The following SGTB variants were observed in gnomAD, a reference collection of about 807,000 sequenced individuals.
SGTB encodes the protein small glutamine-rich tetratricopeptide repeat-containing protein beta.
Under a neutral mutation model 43.9 loss-of-function variants are expected in SGTB, and 19 were observed. The observed-to-expected ratio is 0.43, with a 90% CI of 0.30 to 0.63. The LOEUF is 0.63. SGTB is among the 30% of genes least tolerant of loss of function. The pLI is 0.12. For missense variants in SGTB, 304 were observed against 358.9 expected (o/e 0.85, Z 1.24); for synonymous variants, 116 against 117.3 (o/e 0.99, Z 0.07).
intron 6 of SGTB, 107 bp downstream of exon 6, chr5:65,685,261 A>G: frequency 1.2e-6 from 1 of 867,334 alleles, no homozygotes; most frequent in Non-Finnish European, 1.8e-6. Context: ...TTATCCTCTT[A>G]TTAGTTCAGA....
intron 5 of SGTB, among the ~76,000 whole-genome samples, chr5:65,693,511 T>C (rs1561158716): frequency 6.6e-6 from 1 of 152,006 alleles, no homozygotes; most frequent in Admixed American, 6.6e-5. Flanking sequence ...TAGAGAGAGA[T>C]GTTCATCATA....
chr5:65,688,176 A>T (rs1346390118), intron 5 of SGTB, among the ~76,000 whole-genome samples: 2 of 152,188 alleles, frequency 1.3e-5, no homozygotes, highest in East Asian at 1.9e-4. Context: ...ACAGATTTTT[A>T]AAATAATTTT....
At chr5:65,702,874 T>C (rs1757850453) in intron 5 of SGTB, among the ~76,000 whole-genome samples, 1 of 152,106 alleles carries the variant, frequency 6.6e-6, no homozygotes, top group South Asian at 2.1e-4. Flanking sequence ...ATTAGAACAA[T>C]ATGAAAACAA....
rs1002559189 is a variant in SGTB, at chr5:65,668,005, T to G, written c.*2241A>C. The G allele has an allele frequency of 6.7e-6, 1 of 149,258 alleles. No homozygotes were observed. The highest frequency in any genetic ancestry group is 1.5e-5 in the Non-Finnish European group (1 of 67,670). 9.2% of individuals were successfully genotyped at this position (149,258 alleles called of 1,614,324 possible). Reference sequence around the variant, plus strand: ...TCTTGCTCTGTCACCCAGGCTGGAGTGCAGTGGCGCAATCTTGGCTCACTG... The same window carrying G: ...TCTTGCTCTGTCACCCAGGCTGGAGGGCAGTGGCGCAATCTTGGCTCACTG... On this transcript the variant is annotated 3_prime_UTR_variant, in exon 11 of 11. Coordinates refer to ENST00000381007, the MANE Select transcript of SGTB (RefSeq NM_019072.3).
intron 4 of SGTB, among the ~76,000 whole-genome samples, chr5:65,705,020 T>C (rs530729818): frequency 4.8e-4 from 73 of 152,370 alleles, no homozygotes; most frequent in African/African-American, 1.7e-3. Context: ...AGGAAGGGCA[T>C]CTGCAGATAC....
intron 8 of SGTB, among the ~76,000 whole-genome samples, chr5:65,676,617 A>G (rs1314943276): frequency 1.3e-5 from 2 of 152,136 alleles, no homozygotes; most frequent in Non-Finnish European, 2.9e-5. Context: ...CCCAAAAACA[A>G]CAGAATATAC....
intron 5 of SGTB, among the ~76,000 whole-genome samples, chr5:65,697,121 T>C (rs1554025037): frequency 6.6e-6 from 1 of 152,174 alleles, no homozygotes; most frequent in Non-Finnish European, 1.5e-5. Flanking sequence ...TACTGAGATA[T>C]TTATAGCTAC....
At chr5:65,683,797 T>A (rs1249514493) in intron 6 of SGTB, among the ~76,000 whole-genome samples, 2 of 151,704 alleles carry the variant, frequency 1.3e-5, no homozygotes, top group African/African-American at 4.8e-5. Flanking sequence ...ATACAAAAAA[T>A]TAGCTGGGCA....
At chr5:65,680,581 T>G (rs776306755) in intron 7 of SGTB, 25 bp from the exon 8 acceptor site, 2 of 1,614,034 alleles carry the variant, frequency 1.2e-6, no homozygotes, top group East Asian at 2.2e-5. Flanking sequence ...TATCTGAGAA[T>G]CAGTCCAGTA....
rs75677243 is a variant in SGTB at position 65,689,443 on chromosome 5, C to A, written c.375-3971G>T. Among the ~76,000 whole-genome samples the A allele has an allele frequency of 2.2e-3, 333 of 152,260 alleles. 3 individuals are homozygous for A. Among genetic ancestry groups the A allele is most frequent in the African/African-American group, 7.9e-3 (329 of 41,552 alleles). ...ATTATTGTCTGACATGCAAATCTTT[C>A]AACTCAAAGTTTCCATAATGTCTCC... is the stretch of plus-strand genomic sequence containing the variant. On this transcript the variant is annotated intron_variant, in intron 5 of 10. Transcript: ENST00000381007.
chr5:65,720,799 A>C lies in SGTB; in HGVS notation c.9T>G (p.Ser3=). The C allele has an allele frequency of 1.9e-6, 3 of 1,613,066 alleles. No homozygotes were observed. The highest frequency in any genetic ancestry group is 2.5e-6 in the Non-Finnish European group (3 of 1,179,782). The change falls in exon 2 of 11, where the codon TCT becomes TCG. Residue 3 remains serine (S), a synonymous_variant. Coordinates refer to ENST00000381007, the MANE Select transcript of SGTB (RefSeq NM_019072.3). MS[S]IKHLVYAVIR... ...TAACTGCATAAACCAGGTGCTTGAT[A>C]GATGACATTTTAGAAGCTTAAACAC...
intron 5 of SGTB, among the ~76,000 whole-genome samples, chr5:65,696,242 T>C (rs1757712003): frequency 6.6e-6 from 1 of 152,200 alleles, no homozygotes; most frequent in South Asian, 2.1e-4. Flanking sequence ...TAAGAGGCCT[T>C]CCAAATTCCC....
chr5:65,709,390 T>C (rs1336253544), intron 3 of SGTB, among the ~76,000 whole-genome samples: 2 of 151,930 alleles, frequency 1.3e-5, no homozygotes, highest in Non-Finnish European at 2.9e-5. Flanking sequence ...CAGTTTTTTT[T>C]TTTTTTTGAG....
At chr5:65,720,945 C>G in intron 1 of SGTB, 116 bp from the exon 2 acceptor site, 5 of 1,057,672 alleles carry the variant, frequency 4.7e-6, no homozygotes, top group Middle Eastern at 3.2e-4. Flanking sequence ...AAACAAAACA[C>G]AAAACTGTAT....
At chr5:65,716,139 AG>A (rs1383890952) in intron 2 of SGTB, among the ~76,000 whole-genome samples, 19 of 152,178 alleles carry the variant, frequency 1.2e-4, no homozygotes, top group Admixed American at 1.2e-3. Flanking sequence ...AAAGACTTAA[AG>A]GAGACGGGGG....
intron 8 of SGTB, among the ~76,000 whole-genome samples, chr5:65,678,689 C>CTGCA (rs1757328517): frequency 6.6e-6 from 1 of 152,174 alleles, no homozygotes; most frequent in South Asian, 2.1e-4. Context: ...AGAAATAAGA[C>CTGCA]TGCACACTCA....
intron 5 of SGTB, among the ~76,000 whole-genome samples, chr5:65,692,166 T>G (rs1320738030): frequency 2.0e-5 from 3 of 152,176 alleles, no homozygotes; most frequent in Admixed American, 6.5e-5. Flanking sequence ...AGGAAAGCTC[T>G]TCTTTATAGA....
At chr5:65,670,397 C>A in intron 10 of SGTB, 40 bp from the exon 11 acceptor site, 1 of 1,539,478 alleles carries the variant, frequency 6.5e-7, no homozygotes, top group South Asian at 1.1e-5. Context: ...AGGGAATTGC[C>A]AGTCACATTT....
At chr5:65,697,616 C>T (rs1378380444) in intron 5 of SGTB, among the ~76,000 whole-genome samples, 1 of 152,166 alleles carries the variant, frequency 6.6e-6, no homozygotes, top group Non-Finnish European at 1.5e-5. Flanking sequence ...TAAGAGGATT[C>T]ATTCTCCACA....
Sources: gnomAD v4.1 joint callset for allele counts (sites outside exome capture counted in the v4.1 genomes callset) on GRCh38, gnomAD v4.1.1 for gene constraint, MANE v1.5 for transcripts, NCBI Gene and HGNC (gene_info 2026-07-23, HGNC 2026-07-21) for gene names.